Variants in RGS6 observed in about 807,000 individuals in gnomAD.
The protein encoded by RGS6 is regulator of G-protein signaling 6.
A neutral mutation model predicts 78.5 loss-of-function variants in RGS6; 30 were observed. The ratio of observed to expected loss-of-function variants is 0.38; its 90% confidence interval spans 0.29 to 0.52. The LOEUF is 0.52. RGS6 is among the 20% of genes least tolerant of loss of function. The probability of loss-of-function intolerance (pLI) is 0.85; values close to 1 mark genes in which losing one functional copy is unlikely to be tolerated. For missense variants in RGS6, 495 were observed against 609.7 expected (o/e 0.81, Z 1.98); for synonymous variants, 206 against 206.0 (o/e 1.00, Z 0.00).
intron 2 of RGS6, among the ~76,000 whole-genome samples, chr14:72,316,383 C>G (rs543681027): frequency 6.6e-6 from 1 of 152,236 alleles, no homozygotes; most frequent in South Asian, 2.1e-4. Flanking sequence ...CTATCCCTCC[C>G]CCATGCACCC....
intron 4 of RGS6, among the ~76,000 whole-genome samples, chr14:72,455,423 C>T (rs535863290): frequency 3.3e-5 from 5 of 152,316 alleles, no homozygotes; most frequent in African/African-American, 7.2e-5. Flanking sequence ...ATTCTGCATC[C>T]GTGACCTTCA....
At chr14:72,089,805 C>G (rs186921505) in intron 2 of RGS6, among the ~76,000 whole-genome samples, 13 of 152,284 alleles carry the variant, frequency 8.5e-5, no homozygotes, top group African/African-American at 2.6e-4. Context: ...TTAGCACTTC[C>G]TATATACCAC....
intron 2 of RGS6, among the ~76,000 whole-genome samples, chr14:72,328,548 G>T (rs561276078): frequency 6.6e-6 from 1 of 152,140 alleles, no homozygotes; most frequent in Non-Finnish European, 1.5e-5. Flanking sequence ...CTGAAGTGAA[G>T]GGGGTAGGCA....
intron 2 of RGS6, among the ~76,000 whole-genome samples, chr14:72,185,060 T>G (rs1285061282): frequency 6.6e-6 from 1 of 151,938 alleles, no homozygotes; most frequent in African/African-American, 2.4e-5. Context: ...CTGGTGTAAA[T>G]CCAAGAGTCC....
intron 3 of RGS6, among the ~76,000 whole-genome samples, chr14:72,402,790 GTT>G (rs1167831473): frequency 2.7e-3 from 208 of 75,752 alleles, no homozygotes; most frequent in African/African-American, 0.01. Context: ...TGTTTTTTTG[GTT>G]TTTTTTTTTT....
intron 2 of RGS6, among the ~76,000 whole-genome samples, chr14:71,980,542 A>C (rs1174595521): frequency 6.5e-5 from 4 of 61,842 alleles, no homozygotes; most frequent in Non-Finnish European, 1.0e-4. Flanking sequence ...GCTGGATATG[A>C]AATTCTGGAT....
intron 3 of RGS6, among the ~76,000 whole-genome samples, chr14:72,371,483 C>T (rs987431887): frequency 1.1e-4 from 17 of 152,148 alleles, no homozygotes; most frequent in Middle Eastern, 3.2e-3. Flanking sequence ...AATTCTGGGC[C>T]GGGCATGGTG....
chr14:72,413,319 G>A (rs1464610007), intron 3 of RGS6, among the ~76,000 whole-genome samples: 1 of 152,196 alleles, frequency 6.6e-6, no homozygotes, highest in Non-Finnish European at 1.5e-5. Flanking sequence ...TTAGCATTAT[G>A]TAATAGCCTT....
At chr14:72,605,235 C>T in the RGS6 span, among the ~76,000 whole-genome samples, 10 of 152,162 alleles carry the variant, frequency 6.6e-5, no homozygotes, top group East Asian at 1.9e-4. Flanking sequence ...GATGGGAAGG[C>T]GCAAATCCCA....
chr14:72,129,172 T>C (rs1265116709), intron 2 of RGS6, among the ~76,000 whole-genome samples: 1 of 152,132 alleles, frequency 6.6e-6, no homozygotes, highest in Non-Finnish European at 1.5e-5. Flanking sequence ...AGTTGAATCT[T>C]ACTTACACCA....
chr14:72,207,488 G>T (rs1215364002), intron 2 of RGS6, among the ~76,000 whole-genome samples: 1 of 152,126 alleles, frequency 6.6e-6, no homozygotes, highest in Non-Finnish European at 1.5e-5. Flanking sequence ...CTCTGTCATT[G>T]TCTTGAATAA....
rs557075005 is a variant in RGS6 at position 72,324,964 on chromosome 14, C to T, written c.85-27131C>T. The stretch of plus-strand genomic sequence containing the variant: ...CCACAATGGCTGAACTAGTTTACAG[C>T]CCCACAAACAGTGTAAAAGTGTTCC... On this transcript the variant is annotated intron_variant, in intron 2 of 17. Coordinates refer to ENST00000553525, the MANE Select transcript of RGS6 (RefSeq NM_001204424.2). Among the ~76,000 whole-genome samples the T allele has an allele frequency of 2.2e-4, 33 of 152,156 alleles. 1 individual carries two copies. The highest frequency in any genetic ancestry group is 4.3e-4 in the Non-Finnish European group (29 of 68,008).
chr14:72,361,926 T>C (rs191398846), intron 3 of RGS6, among the ~76,000 whole-genome samples: 4 of 152,136 alleles, frequency 2.6e-5, no homozygotes, highest in African/African-American at 9.6e-5. Flanking sequence ...ATATAAAGTG[T>C]GGGAGGGAAA....
At chr14:72,385,996 G>C (rs1028666123) in intron 3 of RGS6, among the ~76,000 whole-genome samples, 1 of 151,970 alleles carries the variant, frequency 6.6e-6, no homozygotes, top group African/African-American at 2.4e-5. Context: ...GCTGGGGGCT[G>C]GATAAACCTT....
chr14:72,185,550 A>C, intron 2 of RGS6, among the ~76,000 whole-genome samples: 1 of 152,232 alleles, frequency 6.6e-6, no homozygotes, highest in Non-Finnish European at 1.5e-5. Context: ...CAAATGAAGG[A>C]TAGAATGTGG....
At chr14:72,396,145 A>G (rs1379963536) in intron 3 of RGS6, among the ~76,000 whole-genome samples, 2 of 152,182 alleles carry the variant, frequency 1.3e-5, no homozygotes, top group African/African-American at 4.8e-5. Context: ...TTACAGTCCC[A>G]CCAACAGTGT....
At chr14:72,612,336 C>T in the RGS6 span, 48 of 437,444 alleles carry the variant, frequency 1.1e-4, no homozygotes, top group African/African-American at 5.9e-4. Flanking sequence ...CCTACCCCGC[C>T]TCTCTCCAGC....
chr14:72,508,104 C>CA (rs2096831670), intron 13 of RGS6, among the ~76,000 whole-genome samples: 1 of 152,120 alleles, frequency 6.6e-6, no homozygotes, highest in Non-Finnish European at 1.5e-5. Flanking sequence ...TGGAGTCTCC[C>CA]ATTGTTTGAC....
At chr14:72,581,528 C>G in the RGS6 span, among the ~76,000 whole-genome samples, 5 of 152,164 alleles carry the variant, frequency 3.3e-5, no homozygotes, top group Non-Finnish European at 7.3e-5. Flanking sequence ...TGTAATGCCT[C>G]TGATAAATCC....
Sources: gnomAD v4.1 joint callset for allele counts (sites outside exome capture counted in the v4.1 genomes callset) on GRCh38, gnomAD v4.1.1 for gene constraint, MANE v1.5 for transcripts, NCBI Gene and HGNC (gene_info 2026-07-23, HGNC 2026-07-21) for gene names.